Variants in KCNN2 observed in about 807,000 individuals in gnomAD.
KCNN2 encodes potassium calcium-activated channel subfamily N member 2, also known as small conductance calcium-activated potassium channel protein 2.
Under a neutral mutation model 55.5 loss-of-function variants are expected in KCNN2, and 24 were observed. That is an observed-to-expected ratio of 0.43 (90% CI 0.31 to 0.61). KCNN2 has a LOEUF of 0.61. Among genes scored for constraint, KCNN2 ranks in the 20% least tolerant of loss-of-function variants. The probability of loss-of-function intolerance (pLI) is 0.08; values close to 1 mark genes in which losing one functional copy is unlikely to be tolerated. For missense variants in KCNN2, 754 were observed against 853.6 expected, an observed-to-expected ratio of 0.88 and a Z score of 1.45; for synonymous variants, 431 against 336.1, an observed-to-expected ratio of 1.28 and a Z score of -3.09.
chr5:114,342,879 A>G (rs547122750), intron 2 of KCNN2, among the ~76,000 whole-genome samples: 1 of 152,278 alleles, frequency 6.6e-6, no homozygotes, highest in South Asian at 2.1e-4. Flanking sequence ...TTAGGGGTAC[A>G]TGTGCAGGAT....
intron 1 of KCNN2, among the ~76,000 whole-genome samples, chr5:114,080,594 C>G (rs1750792374): frequency 6.6e-6 from 1 of 151,420 alleles, no homozygotes; most frequent in African/African-American, 2.5e-5. Context: ...ATCTGATCAT[C>G]TCAATTGATT....
rs2150145826 is a variant in KCNN2, at chr5:114,496,292, G to A, written c.*110G>A. The A allele has an allele frequency of 2.5e-6, 3 of 1,210,714 alleles. No homozygotes were observed. Among genetic ancestry groups the A allele is most frequent in the Non-Finnish European group, 3.4e-6 (3 of 882,700 alleles). The allele number at this position is 1,210,714 out of a possible 1,614,324, so 75.0% of individuals were successfully genotyped here. ...TAATCAGCGTTATCCGGGTTCTGAT[G>A]TCAGAATCCTGGGAACCTGAACACT... is the stretch of plus-strand genomic sequence containing the variant. On this transcript the variant is annotated 3_prime_UTR_variant, in exon 8 of 8. Transcript: ENST00000673685.
chr5:114,192,169 C>G (rs1753462973), intron 1 of KCNN2, among the ~76,000 whole-genome samples: 1 of 152,182 alleles, frequency 6.6e-6, no homozygotes, highest in Admixed American at 6.5e-5. Flanking sequence ...CCATTTTTGA[C>G]AAATTCTATT....
At chr5:114,380,296 G>A (rs1446154153) in intron 2 of KCNN2, among the ~76,000 whole-genome samples, 1 of 152,254 alleles carries the variant, frequency 6.6e-6, no homozygotes, top group South Asian at 2.1e-4. Flanking sequence ...CTTTCTGGTG[G>A]TCCATCTCTG....
At chr5:114,169,397 G>A (rs1201056730) in intron 1 of KCNN2, among the ~76,000 whole-genome samples, 2 of 152,100 alleles carry the variant, frequency 1.3e-5, no homozygotes, top group East Asian at 3.9e-4. Context: ...AAGAGTAAGA[G>A]TCAGAGTGGG....
At chr5:114,152,669 G>A (rs1752551193) in intron 1 of KCNN2, among the ~76,000 whole-genome samples, 1 of 152,150 alleles carries the variant, frequency 6.6e-6, no homozygotes, top group South Asian at 2.1e-4. Context: ...ACAGTCTGGT[G>A]GGGAAACAAA....
At chr5:114,081,700 T>C (rs1027904342) in intron 1 of KCNN2, among the ~76,000 whole-genome samples, 13 of 152,230 alleles carry the variant, frequency 8.5e-5, no homozygotes, top group African/African-American at 3.1e-4. Flanking sequence ...TTCACAACAC[T>C]AGAATTGGCA....
chr5:114,253,132 C>CTTTTTTT (rs35260445), intron 2 of KCNN2, among the ~76,000 whole-genome samples: 1 of 140,420 alleles, frequency 7.1e-6, no homozygotes, highest in Non-Finnish European at 1.5e-5. Context: ...TTCTTGCTTT[C>CTTTTTTT]TTTTTTTTTT....
intron 1 of KCNN2, among the ~76,000 whole-genome samples, chr5:114,218,518 A>G (rs75862512): frequency 2.5e-3 from 382 of 152,354 alleles, no homozygotes; most frequent in African/African-American, 8.8e-3. Flanking sequence ...GATTCTAGCT[A>G]TGTGACATTA....
intron 2 of KCNN2, among the ~76,000 whole-genome samples, chr5:114,349,888 T>A (rs1757176903): frequency 6.6e-6 from 1 of 152,064 alleles, no homozygotes; most frequent in African/African-American, 2.4e-5. Flanking sequence ...AAGGTTCAAA[T>A]TTCATCACAT....
At chr5:114,236,128 A>G (rs1267980118) in intron 2 of KCNN2, among the ~76,000 whole-genome samples, 1 of 152,104 alleles carries the variant, frequency 6.6e-6, no homozygotes, top group Non-Finnish European at 1.5e-5. Context: ...TCTCCTCTTT[A>G]GGTTTTGGTA....
intron 2 of KCNN2, among the ~76,000 whole-genome samples, chr5:114,287,008 T>G (rs1210457075): frequency 2.0e-5 from 3 of 152,214 alleles, no homozygotes; most frequent in Non-Finnish European, 4.4e-5. Context: ...GTTATATCAC[T>G]TGTCTAGAAT....
intron 3 of KCNN2, chr5:114,433,590 C>G (rs558429987): frequency 6.6e-6 from 1 of 152,598 alleles, no homozygotes. Flanking sequence ...CTACTGCTCA[C>G]TCTTTGGGTC....
intron 6 of KCNN2, among the ~76,000 whole-genome samples, chr5:114,489,633 T>G (rs1052423598): frequency 4.6e-5 from 7 of 152,206 alleles, no homozygotes; most frequent in African/African-American, 1.7e-4. Context: ...CTTCTAAAAG[T>G]GTAACTGAGT....
intron 1 of KCNN2, among the ~76,000 whole-genome samples, chr5:114,186,619 A>G (rs1349697760): frequency 1.3e-5 from 2 of 152,188 alleles, no homozygotes; most frequent in Non-Finnish European, 2.9e-5. Flanking sequence ...GGATAATCAT[A>G]TTGGTCTTAA....
At chr5:114,382,855 T>C (rs1468156646) in intron 2 of KCNN2, among the ~76,000 whole-genome samples, 3 of 152,268 alleles carry the variant, frequency 2.0e-5, no homozygotes, top group African/African-American at 7.2e-5. Context: ...TGATTGGGCC[T>C]GTCTGCTCAT....
At chr5:114,492,290 A>G (rs1442524547) in intron 6 of KCNN2, among the ~76,000 whole-genome samples, 1 of 152,160 alleles carries the variant, frequency 6.6e-6, no homozygotes, top group African/African-American at 2.4e-5. Context: ...TTCCTTCTAC[A>G]TAATTACCTT....
At chr5:114,182,678 C>T (rs1312766883) in intron 1 of KCNN2, among the ~76,000 whole-genome samples, 1 of 152,028 alleles carries the variant, frequency 6.6e-6, no homozygotes, top group African/African-American at 2.4e-5. Context: ...CAACTGTTAG[C>T]TGCAAATATG....
intron 5 of KCNN2, among the ~76,000 whole-genome samples, chr5:114,481,407 A>C (rs1762219213): frequency 6.6e-6 from 1 of 152,170 alleles, no homozygotes. Flanking sequence ...TATCATGAAA[A>C]TAGCCATACT....
Sources: allele counts gnomAD v4.1 joint callset (sites outside exome capture counted in the v4.1 genomes callset), GRCh38; gene constraint gnomAD v4.1.1; transcripts MANE v1.5; gene names NCBI Gene and HGNC (gene_info 2026-07-23, HGNC 2026-07-21).